TECPR2: variants seen among roughly 807,000 people sequenced by gnomAD.
TECPR2 encodes tectonin beta-propeller repeat containing 2.
A neutral mutation model predicts 138.1 loss-of-function variants in TECPR2; 65 were observed. The ratio of observed to expected loss-of-function variants is 0.47; its 90% CI spans 0.39 to 0.58. The LOEUF (loss-of-function observed/expected upper bound fraction) is 0.58, where lower values mean the gene tolerates loss of function less well. TECPR2 is among the 20% of genes least tolerant of loss of function. The probability of loss-of-function intolerance (pLI) is 0.00; values close to 1 mark genes in which losing one functional copy is unlikely to be tolerated. For missense variants in TECPR2, 1,553 were observed against 1,824.5 expected, an observed-to-expected ratio of 0.85 and a Z score of 2.71; for synonymous variants, 746 against 749.8, an observed-to-expected ratio of 0.99 and a Z score of 0.08.
At position 102,425,191 on chromosome 14, in the gene TECPR2, TACCTGAGAGG is replaced by T. The variant is rs775785898; in HGVS notation, c.852_861del (p.Leu284PhefsTer16). The T allele has an allele frequency of 6.2e-7, 1 of 1,614,212 alleles. No homozygotes were observed. The highest frequency in any genetic ancestry group is 8.5e-7 in the Non-Finnish European group (1 of 1,180,026). ...TCCCCCAACAGTGGAAGTTGCAGCTTACCTGAGAGGCACCTGGGGCTTGTTTCATGTTTCT... is the reference window on the plus strand; with the variant it reads ...TCCCCCAACAGTGGAAGTTGCAGCTTCACCTGGGGCTTGTTTCATGTTTCT... On this transcript the variant is annotated frameshift_variant, in exon 6 of 20. Transcript: ENST00000359520. LOFTEE classifies it high-confidence loss of function.
chr14:102,431,721 G>T, intron 7 of TECPR2, 75 bp from the exon 8 acceptor site: 5 of 1,403,236 alleles, frequency 3.6e-6, no homozygotes, highest in Non-Finnish European at 4.8e-6. Context: ...GGTATTTAGG[G>T]CTAGCAAACG....
intron 17 of TECPR2, among the ~76,000 whole-genome samples, chr14:102,483,887 C>G (rs1228732294): frequency 6.9e-6 from 1 of 145,136 alleles, no homozygotes. Flanking sequence ...GCCTCTGCCC[C>G]CCGGGTTCAA....
At chr14:102,408,183 A>AG (rs1687264141) in intron 3 of TECPR2, among the ~76,000 whole-genome samples, 1 of 152,010 alleles carries the variant, frequency 6.6e-6, no homozygotes, top group Admixed American at 6.6e-5. Flanking sequence ...AAAAAAAAAA[A>AG]TGCTCAGAGA....
rs146860713 is a variant in TECPR2, at chr14:102,482,118, A to G, written c.3790-14861A>G. 8.6e-4 allele frequency among the ~76,000 whole-genome samples: 130 copies of G among 152,004 alleles called. 1 individual carries two copies. The highest frequency in any genetic ancestry group is 3.0e-3 in the African/African-American group (125 of 41,460). ...AGGCTGGCGTGCAATGGTGCGATCA[A>G]TCTCTGCTCACTGCAACCTCCAACT... is the stretch of plus-strand genomic sequence containing the variant. On this transcript the variant is annotated intron_variant, in intron 17 of 19. Coordinates refer to ENST00000359520, the MANE Select transcript of TECPR2 (RefSeq NM_014844.5).
Position 102,496,978 on chromosome 14 carries a change from G to A in TECPR2, c.3790-1G>A. On this transcript the variant is annotated splice_acceptor_variant, in intron 17 of 19. Coordinates refer to ENST00000359520, the MANE Select transcript of TECPR2 (RefSeq NM_014844.5). LOFTEE classifies it high-confidence loss of function. ...CCCTGAAAGTCCCTTCCCGCTTCCAGCCCGCCGGGGTCAGCTTGGTCAGCG... is the reference window on the plus strand; with the variant it reads ...CCCTGAAAGTCCCTTCCCGCTTCCAACCCGCCGGGGTCAGCTTGGTCAGCG... 2 of 1,613,504 alleles carry A rather than the reference G, an allele frequency of 1.2e-6. No individual in the cohort carries two copies. The highest frequency in any genetic ancestry group is 1.7e-6 in the Non-Finnish European group (2 of 1,179,806).
intron 7 of TECPR2, among the ~76,000 whole-genome samples, chr14:102,429,127 G>A (rs1010166462): frequency 3.9e-5 from 6 of 152,178 alleles, no homozygotes; most frequent in Non-Finnish European, 8.8e-5. Context: ...GATTAAAGGC[G>A]TGAGCCACTG....
At position 102,403,555 on chromosome 14, in the gene TECPR2, G is replaced by A. The variant is rs183496746; in HGVS notation, c.220-3783G>A. Among the ~76,000 whole-genome samples the A allele has an allele frequency of 5.9e-5, 9 of 152,224 alleles. No individual in the cohort carries two copies. The East Asian group carries it at 1.7e-3, about 29-fold the overall frequency. Reference sequence around the variant, plus strand: ...TTAGCCAAGAAAAAGAAATTAAGAGGCATCAAAATTGGGAAGGAAGAAGTA... The same window carrying A: ...TTAGCCAAGAAAAAGAAATTAAGAGACATCAAAATTGGGAAGGAAGAAGTA... On this transcript the variant is annotated intron_variant, in intron 2 of 19. Coordinates refer to ENST00000359520, the MANE Select transcript of TECPR2 (RefSeq NM_014844.5).
At chr14:102,391,221 C>T (rs1888163155) in intron 2 of TECPR2, among the ~76,000 whole-genome samples, 1 of 152,100 alleles carries the variant, frequency 6.6e-6, no homozygotes, top group African/African-American at 2.4e-5. Flanking sequence ...CCACGCCCAA[C>T]CAATTTTTTG....
rs1271049700 is a variant in TECPR2, at chr14:102,443,661, C to T, written c.2767C>T (p.Arg923Cys). The change falls in exon 12 of 20, where the codon CGC (arginine) becomes TGC (cysteine). Residue 923 changes from arginine (R) to cysteine (C), a missense_variant. Coordinates refer to ENST00000359520, the MANE Select transcript of TECPR2 (RefSeq NM_014844.5). This position sits in a 1 kb window ranked among gnomAD's most constrained non-coding sequence, Gnocchi z 4.9. ...LYLQTGLSVDRPCARAVKVDC... is the reference protein window; with the variant it reads ...LYLQTGLSVDCPCARAVKVDC... ...CTTCCTGGCAGGTCTGAGCGTGGAT[C>T]GCCCTTGTGCCAGAGCCGTAAAGGT... is the stretch of plus-strand genomic sequence containing the variant. 5 of 1,591,282 alleles carry T rather than the reference C, an allele frequency of 3.1e-6. No individual in the cohort carries two copies. Among genetic ancestry groups the T allele is most frequent in the African/African-American group, 1.3e-5 (1 of 74,552 alleles).
intron 8 of TECPR2, 76 bp downstream of exon 8, chr14:102,432,204 G>C: frequency 4.8e-5 from 63 of 1,313,934 alleles, no homozygotes; most frequent in Non-Finnish European, 6.2e-5. Context: ...GCTGCTCACT[G>C]AGTGAGCAAT....
chr14:102,468,561 T>G (rs989789775), intron 17 of TECPR2, among the ~76,000 whole-genome samples: 1 of 152,216 alleles, frequency 6.6e-6, no homozygotes, highest in Non-Finnish European at 1.5e-5. Context: ...TTACAAGTAT[T>G]TTCTTCCATT....
At chr14:102,411,873 C>G (rs1163887700) in intron 4 of TECPR2, among the ~76,000 whole-genome samples, 1 of 152,012 alleles carries the variant, frequency 6.6e-6, no homozygotes, top group African/African-American at 2.4e-5. Flanking sequence ...TGTGGACATT[C>G]TTTAATAATA....
At chr14:102,369,268 G>C (rs993128977) in intron 1 of TECPR2, among the ~76,000 whole-genome samples, 2 of 152,178 alleles carry the variant, frequency 1.3e-5, no homozygotes, top group Non-Finnish European at 1.5e-5. Flanking sequence ...AGCCCTTCTT[G>C]TGTAGAGCCT....
intron 4 of TECPR2, among the ~76,000 whole-genome samples, chr14:102,411,036 C>G (rs1017836263): frequency 1.3e-5 from 2 of 152,078 alleles, no homozygotes; most frequent in Admixed American, 1.3e-4. Context: ...AAAACCATAT[C>G]CAGGCCATCA....
chr14:102,462,637 G>T (rs780315355), intron 16 of TECPR2, among the ~76,000 whole-genome samples: 16 of 152,172 alleles, frequency 1.1e-4, no homozygotes, highest in African/African-American at 2.9e-4. Flanking sequence ...CACCCAGTGT[G>T]GGGCGTCCTC....
At chr14:102,428,175 C>A in intron 6 of TECPR2, 75 bp from the exon 7 acceptor site, 1 of 1,446,856 alleles carries the variant, frequency 6.9e-7, no homozygotes, top group Non-Finnish European at 9.1e-7. Context: ...CTCACACATG[C>A]ATTTTTATGC....
intron 2 of TECPR2, among the ~76,000 whole-genome samples, chr14:102,403,508 C>T (rs907441464): frequency 3.3e-5 from 5 of 152,144 alleles, no homozygotes; most frequent in African/African-American, 9.7e-5. Context: ...CAACACAGTG[C>T]TGGAAATTTT....
At chr14:102,466,227 G>A (rs907264342) in intron 17 of TECPR2, among the ~76,000 whole-genome samples, 3 of 152,094 alleles carry the variant, frequency 2.0e-5, no homozygotes, top group Non-Finnish European at 4.4e-5. Flanking sequence ...ATCAGCATTC[G>A]GCTCCAGAGC....
At chr14:102,391,036 C>G (rs972391727) in intron 2 of TECPR2, among the ~76,000 whole-genome samples, 6 of 152,104 alleles carry the variant, frequency 3.9e-5, no homozygotes, top group Admixed American at 1.3e-4. Context: ...CATTGTGAAT[C>G]TGCATGTTAG....
Sources: allele counts gnomAD v4.1 joint callset (sites outside exome capture counted in the v4.1 genomes callset), GRCh38; gene constraint gnomAD v4.1.1; non-coding constraint Gnocchi (gnomAD v3.1); transcripts MANE v1.5; gene names NCBI Gene and HGNC (gene_info 2026-07-23, HGNC 2026-07-21).